FARS2: variants seen among roughly 807,000 people sequenced by gnomAD.
The protein encoded by FARS2 is phenylalanine--tRNA ligase, mitochondrial.
A neutral mutation model predicts 46.4 loss-of-function variants in FARS2; 40 were observed. That is an observed-to-expected ratio of 0.86 (90% CI 0.67 to 1.12). FARS2 has a LOEUF of 1.12. FARS2 is among the 50% of genes most tolerant of loss of function. The pLI, the probability that FARS2 is intolerant of heterozygous loss-of-function variation, is 0.00. For synonymous variants in FARS2, 234 were observed against 214.9 expected, an observed-to-expected ratio of 1.09 and a Z score of -0.78; for missense variants, 513 against 567.9, an observed-to-expected ratio of 0.90 and a Z score of 0.98.
At chr6:5,432,323 A>ATATATATAT in intron 4 of FARS2, among the ~76,000 whole-genome samples, 1 of 39,834 alleles carries the variant, frequency 2.5e-5, no homozygotes, top group South Asian at 6.1e-4. Flanking sequence ...TTAAAAAAAA[A>ATATATATAT]AAAAATATAT....
intron 4 of FARS2, among the ~76,000 whole-genome samples, chr6:5,525,541 G>A (rs920363250): frequency 1.3e-5 from 2 of 152,180 alleles, no homozygotes; most frequent in South Asian, 2.1e-4. Flanking sequence ...AGCTTCATAA[G>A]GGATGTGCCC....
chr6:5,473,253 G>A (rs971303564), intron 4 of FARS2, among the ~76,000 whole-genome samples: 1 of 150,856 alleles, frequency 6.6e-6, no homozygotes, highest in Non-Finnish European at 1.5e-5. Context: ...CTGGCCAGGC[G>A]CGGTGGCTCA....
chr6:5,313,917 C>T (rs1769264616), intron 1 of FARS2, among the ~76,000 whole-genome samples: 1 of 152,030 alleles, frequency 6.6e-6, no homozygotes, highest in Non-Finnish European at 1.5e-5. Flanking sequence ...CTTCTGTGCC[C>T]CAGACATTGT....
At chr6:5,729,121 G>A (rs946971065) in intron 6 of FARS2, among the ~76,000 whole-genome samples, 5 of 152,178 alleles carry the variant, frequency 3.3e-5, no homozygotes, top group African/African-American at 9.7e-5. Context: ...ACTGAAAAGG[G>A]CACTTAAGCA....
At chr6:5,355,700 T>C (rs1452069880) in intron 1 of FARS2, among the ~76,000 whole-genome samples, 1 of 151,660 alleles carries the variant, frequency 6.6e-6, no homozygotes, top group Non-Finnish European at 1.5e-5. Flanking sequence ...GGTCATAATA[T>C]TCACATACAC....
At chr6:5,272,586 C>T (rs537535842) in intron 1 of FARS2, 21 of 152,166 alleles carry the variant, frequency 1.4e-4, no homozygotes, top group African/African-American at 5.1e-4. Context: ...TACTTTAATA[C>T]ATTCATATAA....
At chr6:5,597,589 T>G (rs146490446) in intron 5 of FARS2, among the ~76,000 whole-genome samples, 5 of 152,332 alleles carry the variant, frequency 3.3e-5, no homozygotes, top group African/African-American at 1.2e-4. Context: ...CTCACAGCAC[T>G]CTGCTAACCA....
intron 6 of FARS2, among the ~76,000 whole-genome samples, chr6:5,730,768 C>G (rs1760571140): frequency 6.6e-6 from 1 of 152,208 alleles, no homozygotes; most frequent in Non-Finnish European, 1.5e-5. Context: ...TAGTAGTAAT[C>G]TTACCTCCCC....
intron 4 of FARS2, among the ~76,000 whole-genome samples, chr6:5,444,388 A>C (rs1284716765): frequency 6.8e-6 from 1 of 146,592 alleles, no homozygotes; most frequent in Non-Finnish European, 1.5e-5. Context: ...AATCGCTTGA[A>C]TCCGGGAGGC....
intron 6 of FARS2, among the ~76,000 whole-genome samples, chr6:5,743,472 A>G (rs1028429349): frequency 6.6e-6 from 1 of 152,246 alleles, no homozygotes; most frequent in African/African-American, 2.4e-5. Context: ...AGCACTTCCT[A>G]GTTTTGTCGT....
At chr6:5,681,853 T>C (rs955911078) in intron 6 of FARS2, among the ~76,000 whole-genome samples, 4 of 152,224 alleles carry the variant, frequency 2.6e-5, no homozygotes, top group Admixed American at 2.6e-4. Context: ...GCTACATTTG[T>C]TTGGTGCTTG....
intron 5 of FARS2, among the ~76,000 whole-genome samples, chr6:5,557,374 C>T (rs113130198): frequency 0.02 from 3,083 of 152,208 alleles, 117 homozygotes; most frequent in African/African-American, 0.07. Context: ...TTACCTCTTA[C>T]GACAACGTCT....
chr6:5,539,400 G>GTA (rs1178556207), intron 4 of FARS2, among the ~76,000 whole-genome samples: 2 of 86,718 alleles, frequency 2.3e-5, no homozygotes, highest in African/African-American at 1.8e-4. Context: ...ATATATATAT[G>GTA]TATATATTTT....
chr6:5,342,978 G>A (rs1392280239), intron 1 of FARS2, among the ~76,000 whole-genome samples: 2 of 152,050 alleles, frequency 1.3e-5, no homozygotes, highest in Non-Finnish European at 1.5e-5. Flanking sequence ...TAGGTATACA[G>A]CTTACTACAG....
Position 5,485,914 on chromosome 6 carries a change from G to A in FARS2, c.904+54742G>A, listed in dbSNP as rs531638423. Among the ~76,000 whole-genome samples the A allele has an allele frequency of 1.1e-4, 17 of 152,306 alleles. No homozygotes were observed. In the South Asian group the frequency reaches 1.5e-3, roughly 13 times the overall value. Reference sequence around the variant, plus strand: ...TGGCTGGTGCCTACTGAACTGGGCTGCACAGACACAGAACATTTCCCGCAC... The same window carrying A: ...TGGCTGGTGCCTACTGAACTGGGCTACACAGACACAGAACATTTCCCGCAC... On this transcript the variant is annotated intron_variant, in intron 4 of 6. Coordinates refer to ENST00000274680, the MANE Select transcript of FARS2 (RefSeq NM_006567.5).
intron 5 of FARS2, among the ~76,000 whole-genome samples, chr6:5,579,519 C>T (rs1003614877): frequency 6.6e-6 from 1 of 152,194 alleles, no homozygotes; most frequent in African/African-American, 2.4e-5. Context: ...GGTGATCCAC[C>T]TGCCTCAGCC....
chr6:5,555,735 G>A lies in FARS2; in HGVS notation c.1065+10395G>A, dbSNP rs527305820. Among the ~76,000 whole-genome samples, 410 of 151,886 alleles carry A rather than the reference G, an allele frequency of 2.7e-3. 3 individuals are homozygous for A. Among genetic ancestry groups the A allele is most frequent in the Non-Finnish European group, 2.3e-3 (153 of 67,972 alleles). ...GTATTTTTCTCATTTTACTTCCCCC[G>A]AAAGTATATTAAGTATTTTCTTTTG... On this transcript the variant is annotated intron_variant, in intron 5 of 6. Coordinates refer to ENST00000274680, the MANE Select transcript of FARS2 (RefSeq NM_006567.5).
upstream of FARS2, among the ~76,000 whole-genome samples, chr6:5,259,392 A>G (rs1764842594): frequency 2.0e-5 from 3 of 152,232 alleles, 1 homozygote; most frequent in South Asian, 6.2e-4. Context: ...CCAAAGTCAA[A>G]GTCATTAAGT....
chr6:5,425,798 C>T (rs1243762973), intron 3 of FARS2, among the ~76,000 whole-genome samples: 1 of 152,176 alleles, frequency 6.6e-6, no homozygotes, highest in Non-Finnish European at 1.5e-5. Context: ...AACTCAACAT[C>T]CTTATTCAGA....
Sources: allele counts gnomAD v4.1 joint callset (sites outside exome capture counted in the v4.1 genomes callset), GRCh38; gene constraint gnomAD v4.1.1; transcripts MANE v1.5; gene names NCBI Gene and HGNC (gene_info 2026-07-23, HGNC 2026-07-21).